Variants in GRM5 observed in about 807,000 individuals in gnomAD.
GRM5 encodes glutamate metabotropic receptor 5, also known as metabotropic glutamate receptor 5.
Under a neutral mutation model 83.1 loss-of-function variants are expected in GRM5, and 19 were observed. The ratio of observed to expected loss-of-function variants is 0.23; its 90% CI spans 0.16 to 0.34. The LOEUF is 0.34. Among genes scored for constraint, GRM5 ranks in the 10% least tolerant of loss-of-function variants. The pLI is 1.00. For missense variants in GRM5, 1,160 were observed against 1,588.3 expected (o/e 0.73, Z 4.58); for synonymous variants, 675 against 633.6 (o/e 1.07, Z -0.98).
intron 3 of GRM5, among the ~76,000 whole-genome samples, chr11:88,668,884 TG>T (rs1940121101): frequency 6.6e-6 from 1 of 152,192 alleles, no homozygotes; most frequent in South Asian, 2.1e-4. Flanking sequence ...TCATCTAAGT[TG>T]AATCATGAAG....
chr11:88,645,338 C>T (rs140254839), intron 4 of GRM5, among the ~76,000 whole-genome samples: 117 of 152,042 alleles, frequency 7.7e-4, no homozygotes, highest in African/African-American at 2.6e-3. Flanking sequence ...AAAACTGGAG[C>T]GATTAGAAAC....
At chr11:88,688,806 C>G (rs902128954) in intron 3 of GRM5, among the ~76,000 whole-genome samples, 1 of 151,950 alleles carries the variant, frequency 6.6e-6, no homozygotes, top group East Asian at 1.9e-4. Context: ...GTCTTTGGAT[C>G]AGAGAGACCT....
chr11:88,818,353 CA>C (rs1184812815), intron 3 of GRM5, among the ~76,000 whole-genome samples: 1 of 151,990 alleles, frequency 6.6e-6, no homozygotes, highest in African/African-American at 2.4e-5. Flanking sequence ...CCATTCTGTA[CA>C]AAAGTATTAC....
Position 88,567,169 on chromosome 11 carries a change from G to T in GRM5, c.2514C>A (p.Thr838=), listed in dbSNP as rs764269801. ...KPERNVRSAF[T]TSTVVRMHVG... ...CATGCATGCGCACCACGGTAGATGT[G>T]GTGAAGGCGCTGCGCACGTTTCTCT... is the stretch of plus-strand genomic sequence containing the variant. Residue 838 remains threonine, a synonymous_variant, in exon 8 of 10, where the codon ACC becomes ACA. Transcript: ENST00000305447. This position sits in a 1 kb window ranked among gnomAD's most constrained non-coding sequence, Gnocchi z 7.3. The T allele has an allele frequency of 1.2e-6, 2 of 1,614,018 alleles. No homozygotes were observed. Among genetic ancestry groups the T allele is most frequent in the Non-Finnish European group, 1.7e-6 (2 of 1,179,932 alleles).
chr11:88,601,598 C>G (rs573067805), intron 5 of GRM5, among the ~76,000 whole-genome samples: 1 of 151,794 alleles, frequency 6.6e-6, no homozygotes, highest in South Asian at 2.1e-4. Flanking sequence ...TCATTTTTGC[C>G]GTTGTTTTCA....
At chr11:88,911,357 T>C (rs1311656602) in intron 2 of GRM5, among the ~76,000 whole-genome samples, 4 of 152,138 alleles carry the variant, frequency 2.6e-5, no homozygotes, top group African/African-American at 9.6e-5. Flanking sequence ...TATTCATCTA[T>C]CCTGTGTTTC....
chr11:88,701,080 G>A (rs1397080135), intron 3 of GRM5, among the ~76,000 whole-genome samples: 1 of 152,102 alleles, frequency 6.6e-6, no homozygotes, highest in Non-Finnish European at 1.5e-5. Context: ...GCTTCCCAAG[G>A]AGGGAATGCT....
At chr11:88,949,831 C>T (rs1216018248) in intron 2 of GRM5, among the ~76,000 whole-genome samples, 2 of 151,954 alleles carry the variant, frequency 1.3e-5, no homozygotes. Context: ...ATTTTAGGAG[C>T]CAAAAATGAT....
chr11:88,976,336 G>A (rs959117442), intron 2 of GRM5, among the ~76,000 whole-genome samples: 4 of 152,154 alleles, frequency 2.6e-5, no homozygotes, highest in African/African-American at 9.7e-5. Context: ...CCTGGCTGGA[G>A]TGTACTTCGG....
intron 3 of GRM5, among the ~76,000 whole-genome samples, chr11:88,801,583 G>A (rs527835371): frequency 1.3e-5 from 2 of 152,180 alleles, no homozygotes; most frequent in African/African-American, 4.8e-5. Context: ...ATCAAATTAA[G>A]GAACAACTGA....
At chr11:88,964,783 A>G (rs1254937730) in intron 2 of GRM5, among the ~76,000 whole-genome samples, 2 of 152,078 alleles carry the variant, frequency 1.3e-5, no homozygotes, top group African/African-American at 4.8e-5. Context: ...AAGAATAGGA[A>G]TTATATCCAT....
chr11:88,952,404 G>A (rs1327119090), intron 2 of GRM5, among the ~76,000 whole-genome samples: 1 of 152,186 alleles, frequency 6.6e-6, no homozygotes, highest in African/African-American at 2.4e-5. Flanking sequence ...TAGCCTGAAG[G>A]CTGCACAAGA....
At chr11:89,030,606 A>G (rs1245086739) in intron 2 of GRM5, among the ~76,000 whole-genome samples, 19 of 152,142 alleles carry the variant, frequency 1.2e-4, no homozygotes, top group Admixed American at 5.9e-4. Flanking sequence ...CATATTAAGC[A>G]GTTAGTATTA....
intron 3 of GRM5, among the ~76,000 whole-genome samples, chr11:88,705,547 G>A (rs1169226485): frequency 1.3e-5 from 2 of 151,910 alleles, no homozygotes; most frequent in Non-Finnish European, 2.9e-5. Context: ...GAAGGTGAAG[G>A]TTTTGACATG....
At chr11:88,679,583 T>C (rs1429292450) in intron 3 of GRM5, among the ~76,000 whole-genome samples, 1 of 152,140 alleles carries the variant, frequency 6.6e-6, no homozygotes, top group Non-Finnish European at 1.5e-5. Flanking sequence ...TGCCTTGTAT[T>C]ACTAGAAAGT....
chr11:88,584,273 C>A (rs983251677), intron 7 of GRM5, among the ~76,000 whole-genome samples: 1 of 151,570 alleles, frequency 6.6e-6, no homozygotes. Flanking sequence ...TTTTGTAACT[C>A]CCATCTAACT....
intron 4 of GRM5, among the ~76,000 whole-genome samples, chr11:88,607,300 T>C (rs1938181279): frequency 6.6e-6 from 1 of 152,238 alleles, no homozygotes. Context: ...CACTTTTGAA[T>C]CACTTTTGAC....
chr11:88,998,802 T>C (rs568350662), intron 2 of GRM5, among the ~76,000 whole-genome samples: 1 of 152,260 alleles, frequency 6.6e-6, no homozygotes, highest in South Asian at 2.1e-4. Flanking sequence ...CATATGGACA[T>C]TGAAAATAAA....
chr11:88,731,996 G>T (rs1488286607), intron 3 of GRM5, among the ~76,000 whole-genome samples: 1 of 151,910 alleles, frequency 6.6e-6, no homozygotes, highest in Non-Finnish European at 1.5e-5. Context: ...GATTTGTCCA[G>T]AGTCTCTTGG....
Sources: allele counts gnomAD v4.1 joint callset (sites outside exome capture counted in the v4.1 genomes callset), GRCh38; gene constraint gnomAD v4.1.1; non-coding constraint Gnocchi (gnomAD v3.1); transcripts MANE v1.5; gene names NCBI Gene and HGNC (gene_info 2026-07-23, HGNC 2026-07-21).